Variants in PLCH1 observed in about 807,000 individuals in gnomAD.
PLCH1 encodes phospholipase C eta 1, also known as 1-phosphatidylinositol 4,5-bisphosphate phosphodiesterase eta-1.
Under a neutral mutation model 126.7 loss-of-function variants are expected in PLCH1, and 60 were observed. The ratio of observed to expected loss-of-function variants is 0.47; its 90% confidence interval spans 0.38 to 0.59. The LOEUF is 0.59. PLCH1 is among the 20% of genes least tolerant of loss of function. PLCH1 has a pLI of 0.00. For synonymous variants in PLCH1, 719 were observed against 734.9 expected (o/e 0.98, Z 0.35); for missense variants, 1,723 against 2,040.0 (o/e 0.84, Z 2.99).
chr3:155,511,648 C>T lies in PLCH1; in HGVS notation c.1632+3075G>A, dbSNP rs576451427. Among the ~76,000 whole-genome samples, 11 of 140,602 alleles carry T rather than the reference C, an allele frequency of 7.8e-5. No homozygotes were observed. The South Asian group carries it at 9.2e-4, about 12-fold the overall frequency. The allele number at this position is 140,602 out of a possible 152,430, so 92.2% of individuals were successfully genotyped here. Reference sequence around the variant, plus strand: ...AGTGTGCCCCTGCTGGGGGGTGCCTCCCAGTTAGGCTGCTCGGGGGTCAGG... The same window carrying T: ...AGTGTGCCCCTGCTGGGGGGTGCCTTCCAGTTAGGCTGCTCGGGGGTCAGG... On this transcript the variant is annotated intron_variant, in intron 12 of 22. Transcript: ENST00000460012.
At chr3:155,698,447 T>C (rs1745996745) in intron 2 of PLCH1, among the ~76,000 whole-genome samples, 1 of 152,168 alleles carries the variant, frequency 6.6e-6, no homozygotes, top group Non-Finnish European at 1.5e-5. Flanking sequence ...ATATCCTCTT[T>C]TGTAAGGCCT....
rs747944290 is a variant in PLCH1, at chr3:155,488,699, C to G, written c.2500G>C (p.Val834Leu). The G allele has an allele frequency of 2.5e-6, 4 of 1,613,856 alleles. No individual in the cohort carries two copies. In the South Asian group the frequency reaches 4.4e-5, roughly 18 times the overall value. ...WDHDPIGRDF[V>L]GQRTVTFSSL... ...CTGAAGGTCACAGTTCTTTGTCCAACAAAGTCTCGTCCAATGGGATCGTGA... is the reference window on the plus strand; with the variant it reads ...CTGAAGGTCACAGTTCTTTGTCCAAGAAAGTCTCGTCCAATGGGATCGTGA... The change falls in exon 20 of 23, where the codon GTT becomes CTT. Residue 834 changes from valine to leucine, a missense_variant. This residue lies in a region of PLCH1 where 776 missense variants were observed against 1,062.9 expected (regional missense o/e 0.73). Transcript: ENST00000460012.
At chr3:155,582,324 C>T in intron 6 of PLCH1, among the ~76,000 whole-genome samples, 1 of 151,748 alleles carries the variant, frequency 6.6e-6, no homozygotes, top group East Asian at 1.9e-4. Context: ...CTCAGGTGAT[C>T]CACCCGCCTC....
rs368999722 is a variant in PLCH1, at chr3:155,485,378, A to G, written c.2952T>C (p.Ile984=). Residue 984 remains isoleucine, a synonymous_variant, in exon 22 of 23, where the codon ATT becomes ATC. Coordinates refer to ENST00000460012, the MANE Select transcript of PLCH1 (RefSeq NM_014996.4). ...SLPVSETAKD[I]EGKENSLAED... ...TACCTAGAGAGTTTTCTTTTCCTTC[A>G]ATGTCTTTTGCTGTTTCAGATACAG... 20 of 1,602,508 alleles carry G rather than the reference A, an allele frequency of 1.2e-5. No individual in the cohort carries two copies. The highest frequency in any genetic ancestry group is 4.0e-5 in the African/African-American group (3 of 74,648).
At chr3:155,534,461 C>T (rs1380354770) in intron 10 of PLCH1, among the ~76,000 whole-genome samples, 1 of 152,158 alleles carries the variant, frequency 6.6e-6, no homozygotes, top group Admixed American at 6.5e-5. Flanking sequence ...AAGTAACGAA[C>T]TTGCTTTTGA....
At chr3:155,582,109 T>A (rs1216603184) in intron 6 of PLCH1, among the ~76,000 whole-genome samples, 2 of 123,438 alleles carry the variant, frequency 1.6e-5, no homozygotes, top group African/African-American at 6.4e-5. Flanking sequence ...TGAGGTGGAG[T>A]CTCGCTCTGC....
chr3:155,588,209 T>G (rs1277729974), intron 4 of PLCH1, among the ~76,000 whole-genome samples: 11 of 152,228 alleles, frequency 7.2e-5, no homozygotes, highest in African/African-American at 2.7e-4. Context: ...TTTTTTCCCT[T>G]TAAAACTTTT....
intron 2 of PLCH1, among the ~76,000 whole-genome samples, chr3:155,625,155 T>G (rs907050845): frequency 6.6e-6 from 1 of 152,192 alleles, no homozygotes; most frequent in Non-Finnish European, 1.5e-5. Context: ...GGATTCCTTA[T>G]TTAATAAGTG....
At chr3:155,494,958 G>C (rs1188550359) in intron 15 of PLCH1, among the ~76,000 whole-genome samples, 4 of 151,890 alleles carry the variant, frequency 2.6e-5, no homozygotes, top group Admixed American at 6.6e-5. Flanking sequence ...CATCTAAAAG[G>C]CACACAAGTA....
intron 11 of PLCH1, among the ~76,000 whole-genome samples, chr3:155,520,521 A>G (rs1345182724): frequency 6.6e-6 from 1 of 152,228 alleles, no homozygotes; most frequent in African/African-American, 2.4e-5. Context: ...AGCTGGCAAA[A>G]CAGATTTAGA....
At position 155,719,558 on chromosome 3, in the gene PLCH1, A is replaced by C. The variant is rs550041069; in HGVS notation, c.-40-15294T>G. 3.3e-5 allele frequency among the ~76,000 whole-genome samples: 5 copies of C among 152,234 alleles called. 1 individual carries two copies. In the South Asian group the frequency reaches 1.0e-3, roughly 32 times the overall value. On this transcript the variant is annotated intron_variant, in intron 1 of 22. Transcript: ENST00000460012. ...AAAAAAAAGAATAAGCAAATCCAATATATGATAATAAAAACTGGAAGAGAG... is the reference window on the plus strand; with the variant it reads ...AAAAAAAAGAATAAGCAAATCCAATCTATGATAATAAAAACTGGAAGAGAG...
At position 155,704,136 on chromosome 3, in the gene PLCH1, G is replaced by A. The variant is rs958084994; in HGVS notation, c.79+10C>T. On this transcript the variant is annotated intron_variant, in intron 2 of 22. Transcript: ENST00000460012. ...AAGATCCAACTACATAAATACAAGA[G>A]ACAGCTTACCATGAAACACACTGTT... The A allele has an allele frequency of 2.6e-6, 3 of 1,174,746 alleles. No homozygotes were observed. The highest frequency in any genetic ancestry group is 3.2e-5 in the African/African-American group (2 of 63,276). The allele number at this position is 1,174,746 out of a possible 1,614,324, so 72.8% of individuals were successfully genotyped here.
chr3:155,633,920 C>A (rs1028626552), intron 2 of PLCH1, among the ~76,000 whole-genome samples: 13 of 151,980 alleles, frequency 8.6e-5, no homozygotes, highest in Non-Finnish European at 1.8e-4. Context: ...TCTCAAAAAA[C>A]AAACAAACAA....
chr3:155,722,140 T>C (rs772870862), intron 1 of PLCH1, among the ~76,000 whole-genome samples: 25 of 152,098 alleles, frequency 1.6e-4, no homozygotes, highest in Admixed American at 3.9e-4. Flanking sequence ...AGTATAATGG[T>C]GGCTGTGGGT....
intron 2 of PLCH1, among the ~76,000 whole-genome samples, chr3:155,598,184 C>CAA (rs201681402): frequency 2.1e-5 from 3 of 141,176 alleles, no homozygotes; most frequent in Middle Eastern, 3.5e-3. Context: ...AACTTTGCCT[C>CAA]AAAAAAAAAA....
intron 1 of PLCH1, among the ~76,000 whole-genome samples, chr3:155,714,314 T>A (rs1358894371): frequency 6.6e-6 from 1 of 152,216 alleles, no homozygotes; most frequent in African/African-American, 2.4e-5. Flanking sequence ...GATCCTCTTC[T>A]CTGGCCCAGC....
At chr3:155,465,039 G>A (rs1293828109) in intron 21 of PLCH1, among the ~76,000 whole-genome samples, 1 of 151,560 alleles carries the variant, frequency 6.6e-6, no homozygotes, top group Non-Finnish European at 1.5e-5. Context: ...AACCTGGGAG[G>A]TGGAGCTTGC....
chr3:155,687,013 AC>A (rs1282923133), intron 2 of PLCH1, among the ~76,000 whole-genome samples: 1 of 152,220 alleles, frequency 6.6e-6, no homozygotes, highest in Non-Finnish European at 1.5e-5. Context: ...AAAATGCTTG[AC>A]AGCATATATA....
intron 10 of PLCH1, among the ~76,000 whole-genome samples, chr3:155,532,778 T>G (rs1168515217): frequency 6.6e-6 from 1 of 152,206 alleles, no homozygotes; most frequent in African/African-American, 2.4e-5. Context: ...CCTCTATAAT[T>G]ACCCAGTCTC....
Sources: allele counts gnomAD v4.1 joint callset (sites outside exome capture counted in the v4.1 genomes callset), GRCh38; gene constraint gnomAD v4.1.1; regional missense constraint gnomAD v4.1.1; transcripts MANE v1.5; gene names NCBI Gene and HGNC (gene_info 2026-07-23, HGNC 2026-07-21).